The following USP48 variants were observed in gnomAD, a reference collection of about 807,000 sequenced individuals.
The protein encoded by USP48 is ubiquitin specific peptidase 48, also known as ubiquitin carboxyl-terminal hydrolase 48.
In USP48, 43 loss-of-function variants were observed where a neutral mutation model predicts 150.7. The observed-to-expected ratio is 0.29, with a 90% CI of 0.22 to 0.37. USP48 has a LOEUF of 0.37. USP48 is among the 10% of genes least tolerant of loss of function. The pLI, the probability that USP48 is intolerant of heterozygous loss-of-function variation, is 1.00. For synonymous variants in USP48, 396 were observed against 425.9 expected, an observed-to-expected ratio of 0.93 and a Z score of 0.86; for missense variants, 813 against 1,249.6, an observed-to-expected ratio of 0.65 and a Z score of 5.27.
chr1:21,731,081 T>C (rs957203407), intron 9 of USP48, among the ~76,000 whole-genome samples: 1 of 152,012 alleles, frequency 6.6e-6, no homozygotes, highest in Non-Finnish European at 1.5e-5. Context: ...TTCTCAATGA[T>C]TGCTTGGTAC....
intron 1 of USP48, among the ~76,000 whole-genome samples, chr1:21,767,528 T>C (rs550462535): frequency 2.0e-5 from 3 of 152,140 alleles, no homozygotes; most frequent in Middle Eastern, 3.4e-3. Flanking sequence ...TTTCACTATG[T>C]TGGCCAGGCT....
At chr1:21,718,234 G>T (rs764329245) in intron 14 of USP48, among the ~76,000 whole-genome samples, 6 of 152,096 alleles carry the variant, frequency 3.9e-5, no homozygotes, top group Non-Finnish European at 7.4e-5. Context: ...AAACATAATG[G>T]ATCCACAAAA....
intron 23 of USP48, among the ~76,000 whole-genome samples, chr1:21,692,986 T>C (rs1303488694): frequency 6.6e-6 from 1 of 152,228 alleles, no homozygotes; most frequent in Non-Finnish European, 1.5e-5. Context: ...TCCTGGTCTA[T>C]GGAACTTAAC....
chr1:21,748,227 A>G lies in USP48; in HGVS notation c.819T>C (p.Cys273=). The change falls in exon 7 of 27, where the codon TGT becomes TGC. Residue 273 remains cysteine (C), a synonymous_variant. Coordinates refer to ENST00000308271, the MANE Select transcript of USP48 (RefSeq NM_032236.8). ...TTCTTGTTGCATTCTGTTTGCTTTG[A>G]CAGTTCTCGCAAAAATAGCGATTGT... ...EGDNRYFCEN[C]QSKQNATRKI... The G allele has an allele frequency of 6.2e-7, 1 of 1,613,882 alleles. No individual in the cohort carries two copies. The highest frequency in any genetic ancestry group is 8.5e-7 in the Non-Finnish European group (1 of 1,179,922).
rs768937072 is a variant in USP48 at position 21,695,124 on chromosome 1, C to T, written c.2825G>A (p.Arg942His). The change falls in exon 23 of 27, where the codon CGT becomes CAT. Residue 942 changes from arginine to histidine, a missense_variant. Coordinates refer to ENST00000308271, the MANE Select transcript of USP48 (RefSeq NM_032236.8). Reference protein sequence around the residue: ...IRRSMRHRKVRGEKALLVSAN... With the variant: ...IRRSMRHRKVHGEKALLVSAN... Reference sequence around the variant, plus strand: ...AGAAACGAGAAGTGCTTTCTCACCACGAACTTTTCTATGTCGCATACTTCG... The same window carrying T: ...AGAAACGAGAAGTGCTTTCTCACCATGAACTTTTCTATGTCGCATACTTCG... 4.3e-6 allele frequency: 7 copies of T among 1,613,544 alleles called. No individual in the cohort carries two copies. The Admixed American group carries it at 8.3e-5, about 19-fold the overall frequency.
chr1:21,745,409 C>A (rs1177854989), intron 8 of USP48, among the ~76,000 whole-genome samples: 7 of 151,038 alleles, frequency 4.6e-5, no homozygotes, highest in Admixed American at 4.0e-4. Flanking sequence ...GAGTTCAAGA[C>A]CCCGTCTCTA....
chr1:21,698,064 C>A (rs1198185478), intron 22 of USP48, among the ~76,000 whole-genome samples: 1 of 152,008 alleles, frequency 6.6e-6, no homozygotes, highest in Non-Finnish European at 1.5e-5. Flanking sequence ...TTTATCTCCA[C>A]TAAGGACAAG....
chr1:21,704,498 C>T, intron 19 of USP48, 106 bp from the exon 20 acceptor site: 1 of 1,234,456 alleles, frequency 8.1e-7, no homozygotes, highest in Non-Finnish European at 1.1e-6. Context: ...AACATTTAAT[C>T]CAAAGGAATT....
chr1:21,701,377 A>AG, intron 22 of USP48, 121 bp downstream of exon 22: 1 of 729,760 alleles, frequency 1.4e-6, no homozygotes, highest in Non-Finnish European at 2.2e-6. Flanking sequence ...AAAAAAAAAA[A>AG]AAAAGAAAAA....
chr1:21,726,191 A>G (rs1182772343), intron 11 of USP48, among the ~76,000 whole-genome samples: 1 of 152,110 alleles, frequency 6.6e-6, no homozygotes, highest in Non-Finnish European at 1.5e-5. Flanking sequence ...CAATGAAAGG[A>G]ATCTAGGAAA....
intron 12 of USP48, 94 bp downstream of exon 12, chr1:21,723,804 T>G (rs985821690): frequency 8.9e-7 from 1 of 1,119,098 alleles, no homozygotes; most frequent in Non-Finnish European, 1.3e-6. Flanking sequence ...TAGCATAGTT[T>G]GGGTCAAATC....
intron 14 of USP48, among the ~76,000 whole-genome samples, chr1:21,718,564 C>CTTT (rs5772963): frequency 1.4e-5 from 2 of 146,928 alleles, no homozygotes; most frequent in East Asian, 2.0e-4. Flanking sequence ...AGGCCTTTTT[C>CTTT]TTTTTTTTTT....
rs2097557397 is a variant in USP48 at position 21,678,599 on chromosome 1, G to C, written c.*818C>G. The C allele has an allele frequency of 6.6e-6, 1 of 152,148 alleles. No individual in the cohort carries two copies. Among genetic ancestry groups the C allele is most frequent in the Non-Finnish European group, 1.5e-5 (1 of 68,030 alleles). 9.4% of individuals were successfully genotyped at this position (152,148 alleles called of 1,614,324 possible). On this transcript the variant is annotated 3_prime_UTR_variant, in exon 27 of 27. Transcript: ENST00000308271. ...TTCAGTCTGATTTACTCTTCTGATAGGTAGTCAGATTTTTTATTTTCAAAC... is the reference window on the plus strand; with the variant it reads ...TTCAGTCTGATTTACTCTTCTGATACGTAGTCAGATTTTTTATTTTCAAAC...
rs760262175 is a variant in USP48 at position 21,729,797 on chromosome 1, A to G, written c.1207T>C (p.Cys403Arg). The change falls in exon 10 of 27, where the codon TGT becomes CGT. Residue 403 changes from cysteine to arginine, a missense_variant. Cys to Arg is a radical substitution (Grantham distance 180). Transcript: ENST00000308271. ...CGAGAGCAATGAGTTCCTTTGCCAC[A>G]CTTGGGTTTACGTGTCTGAGACTTA... Reference protein sequence around the residue: ...PSKSQTRKPKCGKGTHCSRNA... With the variant: ...PSKSQTRKPKRGKGTHCSRNA... 6.2e-7 allele frequency: 1 copy of G among 1,614,120 alleles called. No individual in the cohort carries two copies. The highest frequency in any genetic ancestry group is 8.5e-7 in the Non-Finnish European group (1 of 1,179,990).
At chr1:21,751,010 C>T (rs140597472) in intron 6 of USP48, among the ~76,000 whole-genome samples, 14 of 152,214 alleles carry the variant, frequency 9.2e-5, no homozygotes, top group Non-Finnish European at 1.8e-4. Flanking sequence ...AGATAATAAG[C>T]TTGTCTATTA....
At chr1:21,740,246 T>C (rs2097778461) in intron 8 of USP48, among the ~76,000 whole-genome samples, 1 of 152,236 alleles carries the variant, frequency 6.6e-6, no homozygotes, top group Admixed American at 6.5e-5. Context: ...TTGTTTCACA[T>C]AGCACAATGT....
intron 1 of USP48, among the ~76,000 whole-genome samples, chr1:21,759,175 C>T (rs1168751633): frequency 3.5e-5 from 3 of 85,142 alleles, no homozygotes; most frequent in Admixed American, 1.7e-4. Flanking sequence ...GAGAGAGACA[C>T]GGTCTCAAAA....
At chr1:21,687,474 C>T (rs888910650) in intron 24 of USP48, among the ~76,000 whole-genome samples, 2 of 152,148 alleles carry the variant, frequency 1.3e-5, no homozygotes, top group Non-Finnish European at 2.9e-5. Flanking sequence ...AGAGGAAAGG[C>T]AGGGGGGACT....
Position 21,680,377 on chromosome 1 carries a change from GATTA to G in USP48, c.3085+427_3085+430del, listed in dbSNP as rs148050699. Among the ~76,000 whole-genome samples, 333 of 152,308 alleles carry G rather than the reference GATTA, an allele frequency of 2.2e-3. 1 individual carries two copies. Among genetic ancestry groups the G allele is most frequent in the Non-Finnish European group, 3.9e-3 (262 of 68,028 alleles). On this transcript the variant is annotated intron_variant, in intron 26 of 26. Coordinates refer to ENST00000308271, the MANE Select transcript of USP48 (RefSeq NM_032236.8). The stretch of plus-strand genomic sequence containing the variant: ...TCCAACAAATGCCTTAATGCTAAGT[GATTA>G]ATTAAATCTTTTCACTGGACTTGAT...
Sources: gnomAD v4.1 joint callset for allele counts (sites outside exome capture counted in the v4.1 genomes callset) on GRCh38, gnomAD v4.1.1 for gene constraint, MANE v1.5 for transcripts, NCBI Gene and HGNC (gene_info 2026-07-23, HGNC 2026-07-21) for gene names.